The following NOXRED1 variants were observed in gnomAD, a reference collection of about 807,000 sequenced individuals.
The protein encoded by NOXRED1 is NADP dependent oxidoreductase domain containing 1.
NOXRED1 carries 20 observed loss-of-function variants against 30.4 expected under a neutral mutation model. That is an observed-to-expected ratio of 0.66 (90% CI 0.46 to 0.96). The LOEUF is 0.96. NOXRED1 is among the 40% of genes least tolerant of loss of function. The pLI is 0.00. For missense variants in NOXRED1, 374 were observed against 428.0 expected, an observed-to-expected ratio of 0.87 and a Z score of 1.11; for synonymous variants, 155 against 168.0, an observed-to-expected ratio of 0.92 and a Z score of 0.60.
Position 77,406,707 on chromosome 14 carries a change from A to G in NOXRED1, c.682+17T>C. The G allele has an allele frequency of 6.2e-7, 1 of 1,613,248 alleles. No individual in the cohort carries two copies. Among genetic ancestry groups the G allele is most frequent in the Non-Finnish European group, 8.5e-7 (1 of 1,179,216 alleles). On this transcript the variant is annotated intron_variant, in intron 4 of 5. Coordinates refer to ENST00000380835, the MANE Select transcript of NOXRED1 (RefSeq NM_001113475.3). ...AGTAATTTTCAAAAGAATGCCAGAA[A>G]TATGTTGAGCCGTGACCAGCAGGAC...
At chr14:77,395,122 T>TC (rs1458346683) in intron 5 of NOXRED1, among the ~76,000 whole-genome samples, 1 of 151,038 alleles carries the variant, frequency 6.6e-6, no homozygotes, top group Non-Finnish European at 1.5e-5. Context: ...TTTTTTTTTT[T>TC]TGAGATGGAG....
intron 3 of NOXRED1, among the ~76,000 whole-genome samples, 168 bp downstream of exon 3, chr14:77,407,297 C>T (rs1328233831): frequency 2.6e-5 from 4 of 152,166 alleles, no homozygotes; most frequent in Non-Finnish European, 4.4e-5. Context: ...AGGGAAGTTA[C>T]GAGAAAGATT....
In NOXRED1 at chr14:77,394,697, A is replaced by G. The variant is rs781089552; in HGVS notation, c.1014T>C (p.Cys338=). Residue 338 remains cysteine (C), a synonymous_variant, in exon 6 of 6, where the codon TGT becomes TGC. Transcript: ENST00000380835. ...TGGTTAGGGAGATGCCAAATGAAGC[A>G]CAGTATAGATGGGTAAGGTGGTCTT... is the stretch of plus-strand genomic sequence containing the variant. ...VLQDHLTHLY[C]ASFGISLTKE... is the part of the protein sequence containing the mutation. The G allele has an allele frequency of 2.4e-5, 38 of 1,613,366 alleles. No individual in the cohort carries two copies. Among genetic ancestry groups the G allele is most frequent in the Non-Finnish European group, 3.1e-5 (37 of 1,179,434 alleles).
chr14:77,422,813 A>G lies in NOXRED1; in HGVS notation c.77T>C (p.Leu26Ser). 1 of 1,614,048 alleles carries G rather than the reference A, an allele frequency of 6.2e-7. No homozygotes were observed. The change falls in exon 1 of 6, where the codon TTG becomes TCG. Residue 26 changes from leucine (L) to serine (S), a missense_variant. Coordinates refer to ENST00000380835, the MANE Select transcript of NOXRED1 (RefSeq NM_001113475.3). ...VPEEDRIWLYLQGRSRGLMIE... is the reference protein window; with the variant it reads ...VPEEDRIWLYSQGRSRGLMIE... ...CATCAGTCCCCGAGAACGGCCCTGC[A>G]AATACAGCCAGATACGATCTTCCTC... is the stretch of plus-strand genomic sequence containing the variant.
rs1313262179 is a variant in NOXRED1 at position 77,394,504 on chromosome 14, T to G, written c.*127A>C. On this transcript the variant is annotated 3_prime_UTR_variant, in exon 6 of 6. Coordinates refer to ENST00000380835, the MANE Select transcript of NOXRED1 (RefSeq NM_001113475.3). ...AGAGTCATCAGTACAGTTTTATAAT[T>G]CCTGATGTCTATCATGTGGCAAACA... 5 of 635,090 alleles carry G rather than the reference T, an allele frequency of 7.9e-6. No homozygotes were observed. The highest frequency in any genetic ancestry group is 5.2e-5 in the South Asian group (2 of 38,642). 39.3% of individuals were successfully genotyped at this position (635,090 alleles called of 1,614,324 possible). A position where few individuals can be genotyped will look rare whatever the true frequency, so the allele number is the denominator to read the frequency against.
At chr14:77,411,484 A>C (rs1894650701) in intron 2 of NOXRED1, among the ~76,000 whole-genome samples, 1 of 135,886 alleles carries the variant, frequency 7.4e-6, no homozygotes, top group African/African-American at 2.8e-5. Context: ...AAAAAAAAAA[A>C]AAAAAAACTT....
intron 1 of NOXRED1, among the ~76,000 whole-genome samples, chr14:77,416,792 C>T (rs1304557552): frequency 1.3e-5 from 2 of 151,628 alleles, no homozygotes; most frequent in African/African-American, 2.4e-5. Context: ...GGCAGAGGCG[C>T]CCCTCACCTC....
In NOXRED1 at chr14:77,394,714, G is replaced by A. The variant is rs867762320; in HGVS notation, c.997C>T (p.Leu333Phe). Residue 333 changes from leucine to phenylalanine, a missense_variant, in exon 6 of 6, where the codon CTT becomes TTT. By Grantham distance (22) the Leu-to-Phe change is conservative. Transcript: ENST00000380835. ...AATGAAGCACAGTATAGATGGGTAA[G>A]GTGGTCTTGGAGAACAGGACTACTT... ...LSSSPVLQDH[L>F]THLYCASFGI... The A allele has an allele frequency of 6.2e-6, 10 of 1,613,000 alleles. No individual in the cohort carries two copies. The Middle Eastern group carries it at 9.9e-4, about 160-fold the overall frequency.
intron 5 of NOXRED1, among the ~76,000 whole-genome samples, chr14:77,398,323 G>A (rs1894239367): frequency 6.6e-6 from 1 of 152,168 alleles, no homozygotes; most frequent in Non-Finnish European, 1.5e-5. Context: ...CCATCAAAGG[G>A]AGAGGAAAAT....
intron 2 of NOXRED1, among the ~76,000 whole-genome samples, chr14:77,408,143 C>G (rs932673034): frequency 2.3e-4 from 35 of 152,320 alleles, no homozygotes; most frequent in African/African-American, 8.2e-4. Flanking sequence ...GCAGGGATTA[C>G]AGGCGTGAGC....
chr14:77,409,463 C>T (rs1001597862), intron 2 of NOXRED1, among the ~76,000 whole-genome samples: 1 of 152,198 alleles, frequency 6.6e-6, no homozygotes, highest in African/African-American at 2.4e-5. Context: ...TTTCCTGAGG[C>T]CTTCACAGCC....
Position 77,405,918 on chromosome 14 carries a change from CT to C in NOXRED1, c.899del (p.Gln300ArgfsTer10). 6.2e-7 allele frequency: 1 copy of C among 1,606,184 alleles called. No individual in the cohort carries two copies. The highest frequency in any genetic ancestry group is 8.5e-7 in the Non-Finnish European group (1 of 1,173,594). ...VSKAYGKNLS[Q>X]ERPFPWFDLT... ...CAGCTGTCCAATGCCCTTACCTTTC[CT>C]GAGACAAATTCTTGCCATAGGCTTT... On this transcript the variant is annotated frameshift_variant, in exon 5 of 6. Coordinates refer to ENST00000380835, the MANE Select transcript of NOXRED1 (RefSeq NM_001113475.3). LOFTEE classifies it low-confidence loss of function (END_TRUNC).
chr14:77,412,664 CACT>C (rs1319205806), intron 2 of NOXRED1, among the ~76,000 whole-genome samples: 1 of 151,968 alleles, frequency 6.6e-6, no homozygotes, highest in African/African-American at 2.4e-5. Context: ...AGGAACCCAC[CACT>C]ACACCTGGCT....
At chr14:77,408,810 C>A (rs1894553161) in intron 2 of NOXRED1, among the ~76,000 whole-genome samples, 1 of 144,084 alleles carries the variant, frequency 6.9e-6, no homozygotes, top group African/African-American at 2.5e-5. Flanking sequence ...AAAGTATATA[C>A]AAATTAATTT....
chr14:77,400,887 T>G (rs1163284474), intron 5 of NOXRED1, among the ~76,000 whole-genome samples: 1 of 152,024 alleles, frequency 6.6e-6, no homozygotes, highest in African/African-American at 2.4e-5. Flanking sequence ...ATGTGCAAGA[T>G]CTACATAAGG....
intron 5 of NOXRED1, among the ~76,000 whole-genome samples, chr14:77,402,520 G>C (rs1196548262): frequency 1.3e-5 from 2 of 152,046 alleles, no homozygotes; most frequent in Admixed American, 1.3e-4. Context: ...TGTAATCCCA[G>C]CTACTCGGGG....
Position 77,394,538 on chromosome 14 carries a change from C to T in NOXRED1, c.*93G>A. 1 of 890,650 alleles carries T rather than the reference C, an allele frequency of 1.1e-6. No homozygotes were observed. Among genetic ancestry groups the T allele is most frequent in the Non-Finnish European group, 1.8e-6 (1 of 565,496 alleles). 55.2% of individuals were successfully genotyped at this position (890,650 alleles called of 1,614,324 possible). ...CTATCATGTGGCAAACACAATACAG[C>T]CACAAGACTCCCACAGTCAATTGTG... On this transcript the variant is annotated 3_prime_UTR_variant, in exon 6 of 6. Coordinates refer to ENST00000380835, the MANE Select transcript of NOXRED1 (RefSeq NM_001113475.3).
At position 77,407,588 on chromosome 14, in the gene NOXRED1, C is replaced by G. The variant is rs1894506888; in HGVS notation, c.407G>C (p.Trp136Ser). ...GCAGCAGAGGAATATCACATCGGCC[C>G]AACTCACCAGATCAGCGTTATGGTA... ...CFYHNADLVS[W>S]ADVIFLCCLP... Residue 136 changes from tryptophan to serine, a missense_variant, in exon 3 of 6, where the codon TGG (tryptophan) becomes TCG (serine). Trp to Ser is a radical substitution (Grantham distance 177). Coordinates refer to ENST00000380835, the MANE Select transcript of NOXRED1 (RefSeq NM_001113475.3). 15 of 1,613,934 alleles carry G rather than the reference C, an allele frequency of 9.3e-6. No individual in the cohort carries two copies. Among genetic ancestry groups the G allele is most frequent in the Non-Finnish European group, 1.3e-5 (15 of 1,179,946 alleles).
At chr14:77,404,243 G>A (rs1279124362) in intron 5 of NOXRED1, among the ~76,000 whole-genome samples, 2 of 152,096 alleles carry the variant, frequency 1.3e-5, no homozygotes, top group South Asian at 2.1e-4. Context: ...GAAAAGTGAG[G>A]GGAATCCCTG....
Sources: gnomAD v4.1 joint callset for allele counts (sites outside exome capture counted in the v4.1 genomes callset) on GRCh38, gnomAD v4.1.1 for gene constraint, MANE v1.5 for transcripts, NCBI Gene and HGNC (gene_info 2026-07-23, HGNC 2026-07-21) for gene names.